Variants in RABL3 observed in about 807,000 individuals in gnomAD.
RABL3 encodes the protein rab-like protein 3.
In RABL3, 31 loss-of-function variants were observed where a neutral mutation model predicts 31.8. That is an observed-to-expected ratio of 0.97 (90% CI 0.73 to 1.31). The LOEUF (loss-of-function observed/expected upper bound fraction) is 1.31, where lower values mean the gene tolerates loss of function less well. RABL3 is among the 40% of genes most tolerant of loss of function. The pLI is 0.00. For synonymous variants in RABL3, 97 were observed against 99.9 expected, an observed-to-expected ratio of 0.97 and a Z score of 0.18; for missense variants, 263 against 279.6, an observed-to-expected ratio of 0.94 and a Z score of 0.42.
At chr3:120,736,072 G>A (rs913881203) in intron 1 of RABL3, among the ~76,000 whole-genome samples, 1 of 152,210 alleles carries the variant, frequency 6.6e-6, no homozygotes, top group African/African-American at 2.4e-5. Flanking sequence ...GCTTGGTGCA[G>A]AGGTGAGTTC....
At chr3:120,700,655 T>A (rs1190491668) in intron 4 of RABL3, among the ~76,000 whole-genome samples, 1 of 152,074 alleles carries the variant, frequency 6.6e-6, no homozygotes, top group African/African-American at 2.4e-5. Flanking sequence ...TTATATGGTG[T>A]CATGTTAAAA....
intron 2 of RABL3, among the ~76,000 whole-genome samples, chr3:120,722,867 C>G (rs538588100): frequency 1.3e-5 from 2 of 152,084 alleles, no homozygotes; most frequent in South Asian, 4.2e-4. Flanking sequence ...AATTGACACC[C>G]TAACATCACA....
At chr3:120,717,473 T>G (rs1708684832) in intron 2 of RABL3, among the ~76,000 whole-genome samples, 1 of 152,062 alleles carries the variant, frequency 6.6e-6, no homozygotes, top group Non-Finnish European at 1.5e-5. Flanking sequence ...GTCTTTTTGT[T>G]TTGTTTTGTT....
At chr3:120,698,315 C>T in intron 5 of RABL3, 108 bp downstream of exon 5, 1 of 1,078,574 alleles carries the variant, frequency 9.3e-7, no homozygotes, top group Admixed American at 2.2e-5. Context: ...TCCAAATAGC[C>T]TGATTTCAAG....
chr3:120,722,773 G>A (rs1708763147), intron 2 of RABL3: 1 of 152,228 alleles, frequency 6.6e-6, no homozygotes, highest in African/African-American at 2.4e-5. Context: ...CAACATACCA[G>A]AATCTCTGGG....
At chr3:120,708,182 G>A (rs1159851899) in intron 3 of RABL3, among the ~76,000 whole-genome samples, 1 of 151,406 alleles carries the variant, frequency 6.6e-6, no homozygotes, top group East Asian at 1.9e-4. Flanking sequence ...TAAGGTGAAA[G>A]AACACAGAAA....
chr3:120,710,028 C>G, intron 2 of RABL3, 119 bp from the exon 3 acceptor site: 1 of 666,658 alleles, frequency 1.5e-6, no homozygotes, highest in South Asian at 2.1e-5. Flanking sequence ...TACCTCTTAT[C>G]TTTTAAGCTT....
intron 5 of RABL3, among the ~76,000 whole-genome samples, chr3:120,695,005 G>A (rs1576330724): frequency 6.7e-6 from 1 of 150,006 alleles, no homozygotes; most frequent in East Asian, 2.0e-4. Context: ...GTGACCTTGA[G>A]AGATAGAGTA....
At position 120,687,624 on chromosome 3, in the gene RABL3, C is replaced by G. The variant is rs142834698; in HGVS notation, c.*2199G>C. On this transcript the variant is annotated 3_prime_UTR_variant, in exon 8 of 8. Transcript: ENST00000273375. ...ATTATGCTGCTGCTAATAATTGCAA[C>G]AAATTTACCTTAGATTATTAAAAAC... 6.6e-6 allele frequency: 1 copy of G among 152,078 alleles called. No individual in the cohort carries two copies. Among genetic ancestry groups the G allele is most frequent in the Non-Finnish European group, 1.5e-5 (1 of 68,026 alleles). 9.4% of individuals were successfully genotyped at this position (152,078 alleles called of 1,614,324 possible).
rs1576327142 is a variant in RABL3, at chr3:120,687,380, T to C, written c.*2443A>G. ...TCACTGCAGCCTCAAACTCCCGAGC[T>C]CAAGTGATCCTCCTGCCTCAGTCTC... On this transcript the variant is annotated 3_prime_UTR_variant, in exon 8 of 8. Transcript: ENST00000273375. 6.6e-6 allele frequency: 1 copy of C among 152,212 alleles called. No individual in the cohort carries two copies. The highest frequency in any genetic ancestry group is 2.4e-5 in the African/African-American group (1 of 41,450). 9.4% of individuals were successfully genotyped at this position (152,212 alleles called of 1,614,324 possible).
chr3:120,726,985 T>G (rs938648672), intron 2 of RABL3, among the ~76,000 whole-genome samples: 5 of 152,026 alleles, frequency 3.3e-5, no homozygotes, highest in African/African-American at 9.6e-5. Flanking sequence ...TAGACAATAG[T>G]TTGAACTGAA....
At chr3:120,706,319 T>C (rs1708548091) in intron 3 of RABL3, among the ~76,000 whole-genome samples, 1 of 152,204 alleles carries the variant, frequency 6.6e-6, no homozygotes, top group Non-Finnish European at 1.5e-5. Context: ...GTCAGTTTTA[T>C]AACTCTTTAT....
At chr3:120,704,983 GC>G (rs1371648377) in intron 4 of RABL3, among the ~76,000 whole-genome samples, 1 of 152,150 alleles carries the variant, frequency 6.6e-6, no homozygotes, top group Non-Finnish European at 1.5e-5. Flanking sequence ...CTGAGATCGT[GC>G]TACTGCACTC....
intron 7 of RABL3, among the ~76,000 whole-genome samples, chr3:120,690,124 G>A (rs766408998): frequency 6.6e-6 from 1 of 151,944 alleles, no homozygotes; most frequent in Non-Finnish European, 1.5e-5. Flanking sequence ...AAGAATGAAG[G>A]TAAATCTCAT....
chr3:120,741,683 AAT>A (rs1559826861), intron 1 of RABL3, among the ~76,000 whole-genome samples: 1 of 152,230 alleles, frequency 6.6e-6, no homozygotes, highest in African/African-American at 2.4e-5. Context: ...AGATTAAAAA[AAT>A]ATATATATAT....
chr3:120,708,117 T>C (rs1051481425), intron 3 of RABL3, among the ~76,000 whole-genome samples: 10 of 151,990 alleles, frequency 6.6e-5, no homozygotes, highest in African/African-American at 2.4e-4. Flanking sequence ...AAACTAAGGA[T>C]AGTAGATGGA....
At chr3:120,696,275 G>T (rs1209595534) in intron 5 of RABL3, among the ~76,000 whole-genome samples, 1 of 152,128 alleles carries the variant, frequency 6.6e-6, no homozygotes, top group Non-Finnish European at 1.5e-5. Context: ...AATTTATACA[G>T]TAACTGATGT....
chr3:120,721,771 A>G (rs142593531), intron 2 of RABL3, among the ~76,000 whole-genome samples: 3 of 152,202 alleles, frequency 2.0e-5, no homozygotes, highest in African/African-American at 4.8e-5. Flanking sequence ...CAGATCAATG[A>G]GACAGAAAGT....
intron 1 of RABL3, among the ~76,000 whole-genome samples, chr3:120,741,398 C>T (rs1261027984): frequency 6.6e-6 from 1 of 152,140 alleles, no homozygotes; most frequent in African/African-American, 2.4e-5. Flanking sequence ...ATATTTGCTG[C>T]CCACAATTTT....
Sources: gnomAD v4.1 joint callset for allele counts (sites outside exome capture counted in the v4.1 genomes callset) on GRCh38, gnomAD v4.1.1 for gene constraint, MANE v1.5 for transcripts, NCBI Gene and HGNC (gene_info 2026-07-23, HGNC 2026-07-21) for gene names.